The following ANKHD1 variants were observed in gnomAD, a reference collection of about 807,000 sequenced individuals.
The protein encoded by ANKHD1 is ankyrin repeat and KH domain-containing protein 1.
In ANKHD1, 31 loss-of-function variants were observed where a neutral mutation model predicts 230.5. The observed-to-expected ratio is 0.13, with a 90% CI of 0.10 to 0.18. The LOEUF (loss-of-function observed/expected upper bound fraction) is 0.18, where lower values mean the gene tolerates loss of function less well. ANKHD1 is among the 10% of genes least tolerant of loss of function. The probability of loss-of-function intolerance (pLI) is 1.00; values close to 1 mark genes in which losing one functional copy is unlikely to be tolerated. For missense variants in ANKHD1, 2,256 were observed against 3,071.3 expected, an observed-to-expected ratio of 0.73 and a Z score of 6.27; for synonymous variants, 1,074 against 1,117.6, an observed-to-expected ratio of 0.96 and a Z score of 0.78.
chr5:140,466,695 C>T (rs550143396), intron 10 of ANKHD1, among the ~76,000 whole-genome samples: 19 of 152,120 alleles, frequency 1.2e-4, no homozygotes, highest in Non-Finnish European at 2.6e-4. Context: ...CATGTAATCC[C>T]AGCACTTTGG....
At position 140,505,338 on chromosome 5, in the gene ANKHD1, A is replaced by G. The variant is rs770298483; in HGVS notation, c.3262+105A>G. On this transcript the variant is annotated intron_variant, in intron 17 of 33. Transcript: ENST00000360839. ...CTAGACTATCTCAGTGATAAGATGG[A>G]TAAGTATATTTCAGTTAGGAATATC... 711 of 1,271,940 alleles carry G rather than the reference A, an allele frequency of 5.6e-4. 2 individuals carry two copies. Among genetic ancestry groups the G allele is most frequent in the South Asian group, 8.9e-4 (64 of 72,114 alleles). 78.8% of individuals were successfully genotyped at this position (1,271,940 alleles called of 1,614,324 possible).
intron 13 of ANKHD1, chr5:140,486,003 G>T: frequency 8.8e-6 from 3 of 340,774 alleles, no homozygotes; most frequent in South Asian, 5.6e-5. Context: ...ATTACAACTA[G>T]GTTTTTCAGG....
intron 10 of ANKHD1, among the ~76,000 whole-genome samples, chr5:140,473,026 C>CTT (rs67081504): frequency 0.026 from 3,413 of 131,122 alleles, 166 homozygotes; most frequent in African/African-American, 0.09. Context: ...ATCTAAGTTT[C>CTT]TTTTTTTTTT....
At chr5:140,463,813 G>A (rs976615631) in intron 9 of ANKHD1, among the ~76,000 whole-genome samples, 1 of 152,074 alleles carries the variant, frequency 6.6e-6, no homozygotes, top group Middle Eastern at 3.4e-3. Flanking sequence ...GTGCCATCAT[G>A]CCTGGCTAAT....
intron 30 of ANKHD1, among the ~76,000 whole-genome samples, chr5:140,536,667 G>T (rs1293854621): frequency 1.3e-5 from 2 of 152,150 alleles, no homozygotes; most frequent in Non-Finnish European, 1.5e-5. Flanking sequence ...AAGTATAGAG[G>T]GTCACCAGAT....
intron 15 of ANKHD1, among the ~76,000 whole-genome samples, chr5:140,501,428 C>G (rs1377407494): frequency 6.6e-6 from 1 of 151,948 alleles, no homozygotes; most frequent in East Asian, 1.9e-4. Flanking sequence ...ATACATAAAA[C>G]AGATTACAGC....
intron 1 of ANKHD1, among the ~76,000 whole-genome samples, chr5:140,433,329 G>T (rs1308528663): frequency 5.9e-5 from 9 of 152,138 alleles, no homozygotes; most frequent in Non-Finnish European, 5.9e-5. Flanking sequence ...GCTTCCCAAA[G>T]TGTGGAATTA....
intron 14 of ANKHD1, among the ~76,000 whole-genome samples, chr5:140,491,309 G>C (rs1751795876): frequency 6.7e-6 from 1 of 150,346 alleles, no homozygotes; most frequent in South Asian, 2.1e-4. Flanking sequence ...GACTACAGGT[G>C]CCCTGCCACT....
intron 1 of ANKHD1, among the ~76,000 whole-genome samples, chr5:140,420,984 G>A (rs759124158): frequency 6.6e-6 from 1 of 152,210 alleles, no homozygotes; most frequent in African/African-American, 2.4e-5. Flanking sequence ...TCTATATGCT[G>A]TAGGTGGGGA....
intron 14 of ANKHD1, among the ~76,000 whole-genome samples, chr5:140,494,953 TTA>T (rs1410268941): frequency 5.3e-5 from 8 of 152,306 alleles, no homozygotes; most frequent in Admixed American, 3.9e-4. Flanking sequence ...TTTAGTAAAT[TTA>T]CTGAGTTGTG....
intron 1 of ANKHD1, 24 bp from the exon 2 acceptor site, chr5:140,436,080 A>G (rs1344498186): frequency 6.6e-7 from 1 of 1,511,096 alleles, no homozygotes; most frequent in African/African-American, 1.4e-5. Context: ...TTTCATGGAT[A>G]TTGCATCTTT....
intron 13 of ANKHD1, among the ~76,000 whole-genome samples, chr5:140,486,369 A>G (rs575937980): frequency 4.9e-4 from 75 of 152,216 alleles, no homozygotes; most frequent in African/African-American, 1.8e-3. Flanking sequence ...CGGCCGAGAA[A>G]GCATTTTCTT....
chr5:140,458,282 G>A (rs1775369992), intron 7 of ANKHD1, among the ~76,000 whole-genome samples: 1 of 152,018 alleles, frequency 6.6e-6, no homozygotes, highest in South Asian at 2.1e-4. Context: ...GTTATTTTGA[G>A]GTAGCATTGA....
At chr5:140,451,519 T>A (rs769629532) in intron 7 of ANKHD1, among the ~76,000 whole-genome samples, 5 of 152,194 alleles carry the variant, frequency 3.3e-5, no homozygotes, top group Non-Finnish European at 5.9e-5. Flanking sequence ...TATTTAATTC[T>A]TTTTTGTTTT....
At chr5:140,407,905 G>A (rs1455942162) in intron 1 of ANKHD1, among the ~76,000 whole-genome samples, 1 of 152,068 alleles carries the variant, frequency 6.6e-6, no homozygotes, top group African/African-American at 2.4e-5. Context: ...GGCCGGGCGC[G>A]GTGGCTCACG....
In ANKHD1 at chr5:140,528,916, C is replaced by G. The variant is rs148548108; in HGVS notation, c.5970C>G (p.Ser1990=). 1.9e-6 allele frequency: 3 copies of G among 1,614,098 alleles called. No homozygotes were observed. Among genetic ancestry groups the G allele is most frequent in the Non-Finnish European group, 2.5e-6 (3 of 1,180,042 alleles). The change falls in exon 29 of 34, where the codon TCC becomes TCG. Residue 1990 remains serine, a synonymous_variant. Transcript: ENST00000360839. Reference sequence around the variant, plus strand: ...CTTGTAGTTCCCTGCCTTCTGTCTCCTCTGCACCTATCACTAGCGGGCAAG... The same window carrying G: ...CTTGTAGTTCCCTGCCTTCTGTCTCGTCTGCACCTATCACTAGCGGGCAAG... ...TSTCSSLPSV[S]SAPITSGQAP... is the part of the protein sequence containing the mutation.
chr5:140,507,262 T>C lies in ANKHD1; in HGVS notation c.3551+285T>C, dbSNP rs978571408. ...CTCAGAAACGGTATTTTATTTTATA[T>C]AGTTGGAAATTTATAATCCCTAAAT... On this transcript the variant is annotated intron_variant, in intron 19 of 33. Coordinates refer to ENST00000360839, the MANE Select transcript of ANKHD1 (RefSeq NM_017747.3). This position sits in a 1 kb window ranked among gnomAD's most constrained non-coding sequence, Gnocchi z 4.1. Among the ~76,000 whole-genome samples the C allele has an allele frequency of 6.6e-6, 1 of 152,230 alleles. No individual in the cohort carries two copies. Among genetic ancestry groups the C allele is most frequent in the African/African-American group, 2.4e-5 (1 of 41,456 alleles).
intron 14 of ANKHD1, among the ~76,000 whole-genome samples, chr5:140,490,322 T>C (rs1283090708): frequency 6.6e-6 from 1 of 152,234 alleles, no homozygotes; most frequent in East Asian, 1.9e-4. Flanking sequence ...TAAAAATGTA[T>C]TAATGCCCAT....
intron 1 of ANKHD1, among the ~76,000 whole-genome samples, chr5:140,424,664 T>C (rs1438609698): frequency 6.6e-6 from 1 of 152,226 alleles, no homozygotes; most frequent in African/African-American, 2.4e-5. Context: ...AGGAGTGATA[T>C]GATTGATCTG....
Sources: gnomAD v4.1 joint callset for allele counts (sites outside exome capture counted in the v4.1 genomes callset) on GRCh38, gnomAD v4.1.1 for gene constraint, Gnocchi (gnomAD v3.1) non-coding constraint, MANE v1.5 for transcripts, NCBI Gene and HGNC (gene_info 2026-07-23, HGNC 2026-07-21) for gene names.